Variants in ACVR1 observed in about 807,000 individuals in gnomAD.
The protein encoded by ACVR1 is activin receptor type-1.
In ACVR1, 38 loss-of-function variants were observed where a neutral mutation model predicts 57.1. That is an observed-to-expected ratio of 0.67 (90% confidence interval 0.51 to 0.87). The LOEUF is 0.87. Among genes scored for constraint, ACVR1 ranks in the 40% least tolerant of loss-of-function variants. The probability of loss-of-function intolerance (pLI) is 0.00; values close to 1 mark genes in which losing one functional copy is unlikely to be tolerated. For synonymous variants in ACVR1, 212 were observed against 228.1 expected (o/e 0.93, Z 0.63); for missense variants, 463 against 638.2 (o/e 0.73, Z 2.96).
chr2:157,825,338 C>A (rs1036961567), intron 1 of ACVR1, among the ~76,000 whole-genome samples: 3 of 152,050 alleles, frequency 2.0e-5, no homozygotes, highest in Non-Finnish European at 4.4e-5. Context: ...GTTAACAGGT[C>A]TGTGGTGGTT....
chr2:157,830,857 G>A (rs1688558043), intron 1 of ACVR1, among the ~76,000 whole-genome samples: 2 of 152,112 alleles, frequency 1.3e-5, no homozygotes, highest in South Asian at 4.2e-4. Flanking sequence ...TCCAGATGTT[G>A]TCAGTCAAGG....
intron 1 of ACVR1, among the ~76,000 whole-genome samples, chr2:157,857,809 G>A (rs1162457781): frequency 6.6e-6 from 1 of 152,140 alleles, no homozygotes; most frequent in Non-Finnish European, 1.5e-5. Context: ...GCAAACTTTA[G>A]GGAAGATGGA....
chr2:157,855,659 T>A (rs1302587645), intron 1 of ACVR1, among the ~76,000 whole-genome samples: 1 of 152,032 alleles, frequency 6.6e-6, no homozygotes, highest in East Asian at 1.9e-4. Flanking sequence ...ACACCGTGAG[T>A]GGTCTTGAGG....
At chr2:157,767,501 T>TA (rs1340983071) in intron 7 of ACVR1, among the ~76,000 whole-genome samples, 3 of 152,102 alleles carry the variant, frequency 2.0e-5, no homozygotes, top group East Asian at 3.9e-4. Flanking sequence ...ACCACGCTGG[T>TA]AGACAGTGAA....
chr2:157,739,178 C>A (rs1684651553), intron 9 of ACVR1, among the ~76,000 whole-genome samples: 1 of 152,088 alleles, frequency 6.6e-6, no homozygotes, highest in Admixed American at 6.5e-5. Context: ...GTACTGAGTA[C>A]CCTCTAACTA....
rs1684575949 is a variant in ACVR1, at chr2:157,737,428, G to A, written c.*103C>T. The A allele has an allele frequency of 6.9e-7, 1 of 1,458,078 alleles. No individual in the cohort carries two copies. Among genetic ancestry groups the A allele is most frequent in the African/African-American group, 1.4e-5 (1 of 71,342 alleles). The allele number at this position is 1,458,078 out of a possible 1,614,324, so 90.3% of individuals were successfully genotyped here. On this transcript the variant is annotated 3_prime_UTR_variant, in exon 11 of 11. Coordinates refer to ENST00000434821, the MANE Select transcript of ACVR1 (RefSeq NM_001111067.4). ...CTTGTCAAAGCAGCCATTTGGGGAG[G>A]GAGACAGATGGATTCCATTCTGACA...
chr2:157,745,042 A>C (rs764101623), intron 9 of ACVR1, among the ~76,000 whole-genome samples: 1 of 152,240 alleles, frequency 6.6e-6, no homozygotes, highest in Non-Finnish European at 1.5e-5. Context: ...AGCCATGTAC[A>C]TTACTCAAAG....
At chr2:157,784,042 A>G (rs1686623320) in intron 3 of ACVR1, among the ~76,000 whole-genome samples, 1 of 152,256 alleles carries the variant, frequency 6.6e-6, no homozygotes, top group Non-Finnish European at 1.5e-5. Context: ...GAAGGTTTAA[A>G]GCAAGGTAGT....
intron 1 of ACVR1, among the ~76,000 whole-genome samples, chr2:157,849,135 T>C (rs1689217613): frequency 6.6e-6 from 1 of 152,204 alleles, no homozygotes; most frequent in Non-Finnish European, 1.5e-5. Flanking sequence ...TTACTATCTG[T>C]AATGGACCAA....
At chr2:157,849,627 C>A (rs564324666) in intron 1 of ACVR1, among the ~76,000 whole-genome samples, 2 of 152,340 alleles carry the variant, frequency 1.3e-5, no homozygotes, top group East Asian at 1.9e-4. Flanking sequence ...ACCTCATTAT[C>A]TTTTGGCACA....
At chr2:157,780,950 A>C (rs1686497547) in intron 3 of ACVR1, among the ~76,000 whole-genome samples, 1 of 152,208 alleles carries the variant, frequency 6.6e-6, no homozygotes, top group African/African-American at 2.4e-5. Flanking sequence ...CAATTACTGC[A>C]TCAAAATAAA....
chr2:157,825,243 A>G (rs1688303548), intron 1 of ACVR1, among the ~76,000 whole-genome samples: 1 of 152,180 alleles, frequency 6.6e-6, no homozygotes, highest in African/African-American at 2.4e-5. Flanking sequence ...GTAGCTCAAT[A>G]TAGACATCCA....
In ACVR1 at chr2:157,870,234, G is replaced by A. The variant is rs116387560; in HGVS notation, c.-183+5562C>T. On this transcript the variant is annotated intron_variant, in intron 1 of 10. Transcript: ENST00000434821. ...CTTTGCCCAAGATCACCCCACCTTC[G>A]TTCTCCCCTCTGTACATTTCTAAAG... Among the ~76,000 whole-genome samples the A allele has an allele frequency of 3.6e-3, 548 of 150,384 alleles. 3 individuals are homozygous for A. Among genetic ancestry groups the A allele is most frequent in the African/African-American group, 0.012 (493 of 40,856 alleles).
intron 9 of ACVR1, among the ~76,000 whole-genome samples, chr2:157,746,450 C>T (rs550594280): frequency 1.4e-4 from 21 of 152,326 alleles, no homozygotes; most frequent in Non-Finnish European, 2.2e-4. Context: ...CACACAGCTC[C>T]GGAGTGCACT....
intron 1 of ACVR1, among the ~76,000 whole-genome samples, chr2:157,841,188 G>T (rs938463128): frequency 2.0e-5 from 3 of 151,928 alleles, no homozygotes; most frequent in African/African-American, 7.3e-5. Context: ...AGTTGAAAAA[G>T]ATATAAATAA....
At chr2:157,794,500 T>C (rs1687032663) in intron 3 of ACVR1, among the ~76,000 whole-genome samples, 1 of 152,124 alleles carries the variant, frequency 6.6e-6, no homozygotes, top group Admixed American at 6.5e-5. Context: ...TGAATGTGGA[T>C]GTAGCTAATT....
At chr2:157,746,080 C>A (rs1684954114) in intron 9 of ACVR1, among the ~76,000 whole-genome samples, 1 of 152,094 alleles carries the variant, frequency 6.6e-6, no homozygotes, top group Non-Finnish European at 1.5e-5. Flanking sequence ...AACAGTGAAA[C>A]AAGAGTATGT....
At chr2:157,830,167 C>T (rs950334064) in intron 1 of ACVR1, among the ~76,000 whole-genome samples, 16 of 152,152 alleles carry the variant, frequency 1.1e-4, no homozygotes, top group Non-Finnish European at 1.9e-4. Flanking sequence ...TTCAGTGAGC[C>T]GAGATCATGC....
At chr2:157,844,841 T>C (rs1247384625) in intron 1 of ACVR1, among the ~76,000 whole-genome samples, 1 of 152,062 alleles carries the variant, frequency 6.6e-6, no homozygotes. Context: ...ATTCATGCTC[T>C]TATAAAAAAA....
Sources: gnomAD v4.1 joint callset for allele counts (sites outside exome capture counted in the v4.1 genomes callset) on GRCh38, gnomAD v4.1.1 for gene constraint, MANE v1.5 for transcripts, NCBI Gene and HGNC (gene_info 2026-07-23, HGNC 2026-07-21) for gene names.